Variants in XXYLT1 observed in about 807,000 individuals in gnomAD.
The protein encoded by XXYLT1 is UDP-xylose:alpha-xyloside alpha-1,3-xylosyltransferase.
In XXYLT1, 20 loss-of-function variants were observed where a neutral mutation model predicts 28.9. The ratio of observed to expected loss-of-function variants is 0.69; its 90% CI spans 0.49 to 1.00. The LOEUF is 1.00. XXYLT1 is among the 50% of genes least tolerant of loss of function. XXYLT1 has a pLI of 0.00. For missense variants in XXYLT1, 542 were observed against 560.1 expected, an observed-to-expected ratio of 0.97 and a Z score of 0.33; for synonymous variants, 257 against 253.8, an observed-to-expected ratio of 1.01 and a Z score of -0.12.
rs1303359703 is a variant in XXYLT1, at chr3:195,091,221, C to CA, written c.786-21111dup. Among the ~76,000 whole-genome samples, 5 of 118,638 alleles carry CA rather than the reference C, an allele frequency of 4.2e-5. No homozygotes were observed. The South Asian group carries it at 1.2e-3, about 27-fold the overall frequency. 77.8% of individuals were successfully genotyped at this position (118,638 alleles called of 152,430 possible). On this transcript the variant is annotated intron_variant, in intron 3 of 3. Transcript: ENST00000310380. ...ATACCAAAGCCAGGCAGAGACACAACAAAAAAAGAGAATTTTAGACCAATA... is the reference window on the plus strand; with the variant it reads ...ATACCAAAGCCAGGCAGAGACACAACAAAAAAAAGAGAATTTTAGACCAATA...
rs369138248 is a variant in XXYLT1 at position 195,156,232 on chromosome 3, C to G, written c.785+217G>C. Among the ~76,000 whole-genome samples, 29 of 152,368 alleles carry G rather than the reference C, an allele frequency of 1.9e-4. No homozygotes were observed. The East Asian group carries it at 3.1e-3, about 16-fold the overall frequency. On this transcript the variant is annotated intron_variant, in intron 3 of 3. Coordinates refer to ENST00000310380, the MANE Select transcript of XXYLT1 (RefSeq NM_152531.5). ...TGGGCTTTTCAGAAGAAAAAGGCCA[C>G]AAACTCCAACAAAATAATGAGGTAG...
intron 3 of XXYLT1, among the ~76,000 whole-genome samples, chr3:195,119,367 C>T (rs1190127504): frequency 1.3e-5 from 2 of 151,126 alleles, no homozygotes; most frequent in Non-Finnish European, 2.9e-5. Flanking sequence ...CATAAAATGA[C>T]TATGTGACCT....
intron 3 of XXYLT1, chr3:195,095,210 A>T (rs1716359104): frequency 6.5e-6 from 1 of 152,690 alleles, no homozygotes. Flanking sequence ...GGGCTGCATG[A>T]GGTAATGCAG....
intron 3 of XXYLT1, chr3:195,094,800 G>C (rs371048473): frequency 6.5e-6 from 1 of 153,648 alleles, no homozygotes; most frequent in South Asian, 2.1e-4. Flanking sequence ...CGAAGGCATC[G>C]CAGATGCCAT....
intron 3 of XXYLT1, among the ~76,000 whole-genome samples, chr3:195,141,094 T>G (rs990591539): frequency 7.9e-5 from 12 of 152,218 alleles, no homozygotes; most frequent in Non-Finnish European, 1.6e-4. Flanking sequence ...GCCAGCACCT[T>G]GATCTTGGAC....
intron 1 of XXYLT1, among the ~76,000 whole-genome samples, chr3:195,227,605 TA>T (rs1287677631): frequency 6.6e-6 from 1 of 152,170 alleles, no homozygotes; most frequent in African/African-American, 2.4e-5. Flanking sequence ...CACGACAACC[TA>T]GGGCTTCTGT....
intron 1 of XXYLT1, among the ~76,000 whole-genome samples, chr3:195,266,115 AC>A (rs985895207): frequency 3.3e-5 from 5 of 152,216 alleles, no homozygotes; most frequent in African/African-American, 1.2e-4. Context: ...AAGCTCAGCC[AC>A]TGCTGTGGGT....
chr3:195,132,971 G>A (rs540219058), intron 3 of XXYLT1, among the ~76,000 whole-genome samples: 4 of 152,196 alleles, frequency 2.6e-5, no homozygotes, highest in South Asian at 4.1e-4. Context: ...TAGATTTTCT[G>A]GTTAACAAGG....
intron 3 of XXYLT1, among the ~76,000 whole-genome samples, chr3:195,088,198 C>G (rs945289316): frequency 6.6e-5 from 10 of 151,630 alleles, no homozygotes; most frequent in African/African-American, 2.2e-4. Flanking sequence ...TCAAGGAGGC[C>G]TGCCTGCCTC....
chr3:195,130,485 C>T (rs7637593), intron 3 of XXYLT1, among the ~76,000 whole-genome samples: 20,454 of 152,202 alleles, frequency 0.13, 1,615 homozygotes, highest in East Asian at 0.27. Context: ...ATGCTTTAAC[C>T]AAGTCATTAG....
At chr3:195,109,710 G>T (rs111067011) in intron 3 of XXYLT1, among the ~76,000 whole-genome samples, 2 of 74,850 alleles carry the variant, frequency 2.7e-5, no homozygotes, top group African/African-American at 1.0e-4. Flanking sequence ...GGTGTGTGTG[G>T]TGTATGAGTG....
At chr3:195,151,878 T>TAAGGGAGGGAGGGAGG (rs1393635146) in intron 3 of XXYLT1, among the ~76,000 whole-genome samples, 1 of 118,616 alleles carries the variant, frequency 8.4e-6, no homozygotes, top group African/African-American at 3.4e-5. Context: ...GAGTGAAGAT[T>TAAGGGAGGGAGGGAGG]AAGGGAGGGA....
chr3:195,162,858 G>A lies in XXYLT1; in HGVS notation c.653-6277C>T, dbSNP rs998120269. 6.6e-5 allele frequency among the ~76,000 whole-genome samples: 10 copies of A among 152,292 alleles called. No homozygotes were observed. The South Asian group carries it at 8.3e-4, about 13-fold the overall frequency. On this transcript the variant is annotated intron_variant, in intron 2 of 3. Coordinates refer to ENST00000310380, the MANE Select transcript of XXYLT1 (RefSeq NM_152531.5). The stretch of plus-strand genomic sequence containing the variant: ...CAATATGAAGTGATGGCTTACGCAC[G>A]GATTGATGTAGTTCAATACACAGGG...
At chr3:195,170,843 G>C (rs1378699905) in intron 2 of XXYLT1, among the ~76,000 whole-genome samples, 1 of 151,966 alleles carries the variant, frequency 6.6e-6, no homozygotes, top group East Asian at 1.9e-4. Context: ...AGGAGTTCGA[G>C]TCCAGCCTGG....
intron 2 of XXYLT1, chr3:195,175,632 C>T (rs1421139230): frequency 4.6e-6 from 7 of 1,536,006 alleles, no homozygotes; most frequent in Admixed American, 2.0e-5. Flanking sequence ...AGTGCTCACC[C>T]GCACTCTGCC....
At chr3:195,091,458 C>A (rs1405978034) in intron 3 of XXYLT1, among the ~76,000 whole-genome samples, 1 of 94,078 alleles carries the variant, frequency 1.1e-5, no homozygotes, top group Admixed American at 1.0e-4. Context: ...GCAGAAAAAG[C>A]CTTTGACAAA....
At chr3:195,207,441 G>A (rs191212362) in intron 2 of XXYLT1, 5 of 456,400 alleles carry the variant, frequency 1.1e-5, no homozygotes, top group East Asian at 1.4e-4. Flanking sequence ...AAGTGGGACC[G>A]ACAGACAGGC....
intron 3 of XXYLT1, among the ~76,000 whole-genome samples, chr3:195,130,971 A>G (rs1552893): frequency 0.36 from 55,267 of 152,046 alleles, 11,411 homozygotes; most frequent in East Asian, 0.83. Flanking sequence ...GCTTAGCCTG[A>G]GACCTGCAAA....
chr3:195,109,698 CTGG>C (rs1560099824), intron 3 of XXYLT1, among the ~76,000 whole-genome samples: 1 of 17,654 alleles, frequency 5.7e-5, no homozygotes, highest in Non-Finnish European at 1.8e-4. Flanking sequence ...TGTGTGGTGT[CTGG>C]TGTGTGTGGT....
Sources: allele counts gnomAD v4.1 joint callset (sites outside exome capture counted in the v4.1 genomes callset), GRCh38; gene constraint gnomAD v4.1.1; transcripts MANE v1.5; gene names NCBI Gene and HGNC (gene_info 2026-07-23, HGNC 2026-07-21).